The following DDRGK1 variants were observed in gnomAD, a reference collection of about 807,000 sequenced individuals.
DDRGK1 encodes the protein DDRGK domain containing 1, also known as DDRGK domain-containing protein 1.
A neutral mutation model predicts 45.8 loss-of-function variants in DDRGK1; 38 were observed. The observed-to-expected ratio is 0.83, with a 90% CI of 0.64 to 1.09. The LOEUF is 1.09. Among genes scored for constraint, DDRGK1 ranks in the 50% least tolerant of loss-of-function variants. DDRGK1 has a pLI of 0.00. For missense variants in DDRGK1, 403 were observed against 419.9 expected, an observed-to-expected ratio of 0.96 and a Z score of 0.35; for synonymous variants, 171 against 168.7, an observed-to-expected ratio of 1.01 and a Z score of -0.11.
intron 4 of DDRGK1, among the ~76,000 whole-genome samples, chr20:3,196,789 T>C (rs1323303606): frequency 6.6e-6 from 1 of 151,914 alleles, no homozygotes; most frequent in African/African-American, 2.4e-5. Flanking sequence ...ACAAAACGAG[T>C]GTGTGTTAAA....
In DDRGK1 at chr20:3,195,212, C is replaced by G. The variant is rs1239972777; in HGVS notation, c.633+19G>C. 4 of 1,613,850 alleles carry G rather than the reference C, an allele frequency of 2.5e-6. No homozygotes were observed. The highest frequency in any genetic ancestry group is 3.4e-6 in the Non-Finnish European group (4 of 1,179,940). ...ACTGATGGGTGCAGAGAGGGGCTTC[C>G]CAGGGGCAGCAGGCCCACCTGTTCC... is the stretch of plus-strand genomic sequence containing the variant. On this transcript the variant is annotated intron_variant, in intron 5 of 8. Transcript: ENST00000354488.
chr20:3,191,770 T>C lies in DDRGK1; in HGVS notation c.724A>G (p.Thr242Ala), dbSNP rs750528149. The change falls in exon 7 of 9, where the codon ACT (threonine) becomes GCT (alanine). Residue 242 changes from threonine (T) to alanine (A), a missense_variant. Physicochemically the swap from Thr to Ala is moderately conservative, Grantham distance 58 (BLOSUM62 0). Transcript: ENST00000354488. Reference sequence around the variant, plus strand: ...GGCCACGTTCCAGGGCTTACCTGAGTGCGTAGGCCCACCTGGGAAGCCAGG... The same window carrying C: ...GGCCACGTTCCAGGGCTTACCTGAGCGCGTAGGCCCACCTGGGAAGCCAGG... ...EDLASQVGLRTQDTINRIQDL... is the reference protein window; with the variant it reads ...EDLASQVGLRAQDTINRIQDL... 1 of 1,605,046 alleles carries C rather than the reference T, an allele frequency of 6.2e-7. No homozygotes were observed. The highest frequency in any genetic ancestry group is 1.1e-5 in the South Asian group (1 of 89,028).
At chr20:3,201,665 T>G (rs1600477440) in intron 2 of DDRGK1, among the ~76,000 whole-genome samples, 1 of 151,252 alleles carries the variant, frequency 6.6e-6, no homozygotes, top group South Asian at 2.1e-4. Context: ...TTTTTTGGTT[T>G]TTTTTTTTTT....
chr20:3,198,419 A>C (rs865812377), intron 4 of DDRGK1, among the ~76,000 whole-genome samples: 5 of 145,208 alleles, frequency 3.4e-5, no homozygotes, highest in Non-Finnish European at 7.6e-5. Flanking sequence ...AAAAAAAAAA[A>C]GCCTGGTGCA....
chr20:3,194,716 C>G, intron 6 of DDRGK1, 114 bp downstream of exon 6: 1 of 1,402,294 alleles, frequency 7.1e-7, no homozygotes, highest in Admixed American at 1.8e-5. Context: ...CTGGGCCCCC[C>G]TGTCCACTCC....
chr20:3,204,048 C>G (rs575730079), intron 1 of DDRGK1, among the ~76,000 whole-genome samples: 1 of 152,328 alleles, frequency 6.6e-6, no homozygotes, highest in South Asian at 2.1e-4. Flanking sequence ...AGTGGGCCCT[C>G]TCCTTGGCGG....
intron 6 of DDRGK1, among the ~76,000 whole-genome samples, chr20:3,193,664 C>T (rs2066998413): frequency 1.3e-5 from 2 of 152,218 alleles, no homozygotes; most frequent in African/African-American, 2.4e-5. Context: ...AGCCACCATG[C>T]CCGGACAAGC....
chr20:3,204,003 T>C (rs1392344428), intron 1 of DDRGK1, among the ~76,000 whole-genome samples: 1 of 152,106 alleles, frequency 6.6e-6, no homozygotes, highest in Non-Finnish European at 1.5e-5. Flanking sequence ...GCCAATGACA[T>C]GGCCTTCTGA....
At position 3,194,873 on chromosome 20, in the gene DDRGK1, A is replaced by G. The variant is rs759726146; in HGVS notation, c.634-5T>C. The G allele has an allele frequency of 3.1e-6, 5 of 1,613,920 alleles. No individual in the cohort carries two copies. Among genetic ancestry groups the G allele is most frequent in the Non-Finnish European group, 4.2e-6 (5 of 1,179,950 alleles). On this transcript the variant is annotated splice_polypyrimidine_tract_variant and splice_region_variant and intron_variant, in intron 5 of 8. Coordinates refer to ENST00000354488, the MANE Select transcript of DDRGK1 (RefSeq NM_023935.3). ...CTCTGTCAGGAAGCTCTGGGACTAG[A>G]GAAGCAGAGAAATCAGGGTGAGCAC...
At chr20:3,191,134 T>C (rs1165956391) in intron 8 of DDRGK1, 56 bp downstream of exon 8, 14 of 1,606,782 alleles carry the variant, frequency 8.7e-6, no homozygotes, top group Non-Finnish European at 1.1e-5. Flanking sequence ...CTGCAGCCCC[T>C]GTGGCTAGAC....
At chr20:3,197,101 T>G (rs531907299) in intron 4 of DDRGK1, among the ~76,000 whole-genome samples, 1 of 151,422 alleles carries the variant, frequency 6.6e-6, no homozygotes, top group Non-Finnish European at 1.5e-5. Flanking sequence ...CGGGTGCCTG[T>G]AATCCCAGCT....
chr20:3,200,006 G>C lies in DDRGK1; in HGVS notation c.505C>G (p.Gln169Glu), dbSNP rs775386538. 1 of 1,610,290 alleles carries C rather than the reference G, an allele frequency of 6.2e-7. No individual in the cohort carries two copies. Among genetic ancestry groups the C allele is most frequent in the Non-Finnish European group, 8.5e-7 (1 of 1,178,562 alleles). ...AGGGTAGGGGCTGGCCTCACCTTCT[G>C]CTCCTCCTCCAGGCGAAGCCGCTCC... is the stretch of plus-strand genomic sequence containing the variant. ...EEERLRLEEE[Q>E]KEEEERKARE... The change falls in exon 4 of 9, where the codon CAG (glutamine) becomes GAG (glutamate). Residue 169 changes from glutamine (Q) to glutamate (E), a missense_variant. By Grantham distance (29) the Gln-to-Glu change is conservative. Coordinates refer to ENST00000354488, the MANE Select transcript of DDRGK1 (RefSeq NM_023935.3).
chr20:3,190,751 T>A lies in DDRGK1; in HGVS notation c.847A>T (p.Ile283Phe), dbSNP rs750214860. ...PEELAAVANF[I>F]RQRGRVSIAE... ...ATGGACACCCGGCCCCGCTGTCGGA[T>A]GAAGTTGGCCACGGCGGCCAGTTCC... The change falls in exon 9 of 9, where the codon ATC (isoleucine) becomes TTC (phenylalanine). Residue 283 changes from isoleucine to phenylalanine, a missense_variant. Transcript: ENST00000354488. 1.2e-6 allele frequency: 2 copies of A among 1,614,146 alleles called. No individual in the cohort carries two copies. Among genetic ancestry groups the A allele is most frequent in the Non-Finnish European group, 1.7e-6 (2 of 1,180,014 alleles).
At chr20:3,203,697 C>T (rs547410748) in intron 1 of DDRGK1, among the ~76,000 whole-genome samples, 1 of 152,342 alleles carries the variant, frequency 6.6e-6, no homozygotes, top group East Asian at 1.9e-4. Flanking sequence ...TCCTGATGTC[C>T]CCAGCTCTCA....
intron 4 of DDRGK1, among the ~76,000 whole-genome samples, chr20:3,196,549 T>C (rs6037495): frequency 0.73 from 107,870 of 147,438 alleles, 40,021 homozygotes; most frequent in African/African-American, 0.8. Context: ...GGCGTGGTGG[T>C]GGGCGCCTGT....
At chr20:3,201,015 C>A (rs780104335) in intron 2 of DDRGK1, among the ~76,000 whole-genome samples, 8 of 152,214 alleles carry the variant, frequency 5.3e-5, no homozygotes, top group Non-Finnish European at 1.0e-4. Flanking sequence ...GAGGCTGAGG[C>A]AGGAGAATAA....
chr20:3,192,943 T>A (rs6051629), intron 6 of DDRGK1, among the ~76,000 whole-genome samples: 1 of 152,088 alleles, frequency 6.6e-6, no homozygotes, highest in African/African-American at 2.4e-5. Context: ...GGTCAGCTGG[T>A]CTCTACCTAC....
At position 3,190,481 on chromosome 20, in the gene DDRGK1, C is replaced by A; in HGVS notation, c.*172G>T. ...TAAATTTCACCTGCTTATCTAGGAT[C>A]CTAGGCCAGGCCTTCTGCCACACCA... On this transcript the variant is annotated 3_prime_UTR_variant, in exon 9 of 9. Transcript: ENST00000354488. 1.3e-6 allele frequency: 1 copy of A among 791,128 alleles called. No individual in the cohort carries two copies. Among genetic ancestry groups the A allele is most frequent in the Non-Finnish European group, 2.0e-6 (1 of 503,030 alleles). 49.0% of individuals were successfully genotyped at this position (791,128 alleles called of 1,614,324 possible). A position where few individuals can be genotyped will look rare whatever the true frequency, so the allele number is the denominator to read the frequency against.
chr20:3,203,200 G>A lies in DDRGK1; in HGVS notation c.295+13C>T. On this transcript the variant is annotated intron_variant, in intron 2 of 8. Transcript: ENST00000354488. ...ACCCAAACCCTCTCCCCACCAGGCTGGGCCCCTCTCACCTAGGATGACAGC... is the reference window on the plus strand; with the variant it reads ...ACCCAAACCCTCTCCCCACCAGGCTAGGCCCCTCTCACCTAGGATGACAGC... 6.5e-7 allele frequency: 1 copy of A among 1,547,254 alleles called. No individual in the cohort carries two copies.
Sources: allele counts gnomAD v4.1 joint callset (sites outside exome capture counted in the v4.1 genomes callset), GRCh38; gene constraint gnomAD v4.1.1; transcripts MANE v1.5; gene names NCBI Gene and HGNC (gene_info 2026-07-23, HGNC 2026-07-21).